The following TAFA2 variants were observed in gnomAD, a reference collection of about 807,000 sequenced individuals.
TAFA2 encodes TAFA chemokine like family member 2, also known as chemokine-like protein TAFA-2.
TAFA2 carries 7 observed loss-of-function variants against 18.8 expected under a neutral mutation model. The ratio of observed to expected loss-of-function variants is 0.37; its 90% CI spans 0.21 to 0.70. The LOEUF is 0.70. Among genes scored for constraint, TAFA2 ranks in the 30% least tolerant of loss-of-function variants. The pLI is 0.53. For synonymous variants in TAFA2, 60 were observed against 54.2 expected (o/e 1.11, Z -0.47); for missense variants, 122 against 158.1 (o/e 0.77, Z 1.23).
intron 2 of TAFA2, among the ~76,000 whole-genome samples, chr12:61,812,635 T>A (rs1486770197): frequency 6.7e-6 from 1 of 149,300 alleles, no homozygotes; most frequent in Non-Finnish European, 1.5e-5. Context: ...AGTGGCACAA[T>A]CTTAGCTCAC....
chr12:61,879,335 C>T, intron 1 of TAFA2: 2 of 627,884 alleles, frequency 3.2e-6, no homozygotes, highest in Non-Finnish European at 5.4e-6. Context: ...TCAAGGTGAT[C>T]CAGAAGTCCT....
chr12:61,884,388 C>T (rs1043271428), intron 1 of TAFA2, among the ~76,000 whole-genome samples: 3 of 152,184 alleles, frequency 2.0e-5, no homozygotes, highest in African/African-American at 4.8e-5. Context: ...AGCCCATCAA[C>T]GAGCTCTTTG....
intron 1 of TAFA2, among the ~76,000 whole-genome samples, chr12:61,983,520 G>C (rs1245822392): frequency 1.3e-5 from 2 of 152,008 alleles, no homozygotes; most frequent in Non-Finnish European, 2.9e-5. Context: ...TGATTCTCCT[G>C]CCTCAGCCTC....
chr12:61,716,245 T>C (rs1370334593), intron 4 of TAFA2, among the ~76,000 whole-genome samples: 1 of 152,224 alleles, frequency 6.6e-6, no homozygotes, highest in African/African-American at 2.4e-5. Context: ...ACTAGTCTTC[T>C]CTGATACAGA....
At chr12:62,208,328 A>G (rs924249603) in intron 1 of TAFA2, among the ~76,000 whole-genome samples, 1 of 148,966 alleles carries the variant, frequency 6.7e-6, no homozygotes, top group African/African-American at 2.5e-5. Context: ...GCAATAGGAG[A>G]AAAAAAAAAG....
intron 2 of TAFA2, among the ~76,000 whole-genome samples, chr12:61,766,831 A>G (rs1028565330): frequency 1.4e-4 from 21 of 152,106 alleles, no homozygotes; most frequent in African/African-American, 4.8e-4. Context: ...TTGTAAAAAC[A>G]TTTGACATTG....
intron 1 of TAFA2, among the ~76,000 whole-genome samples, chr12:62,040,560 C>T (rs1468039636): frequency 6.6e-6 from 1 of 152,060 alleles, no homozygotes; most frequent in African/African-American, 2.4e-5. Context: ...TCAAGTATTG[C>T]TAGAGCTAGA....
At chr12:62,185,609 C>T (rs4143667) in intron 1 of TAFA2, among the ~76,000 whole-genome samples, 19,439 of 152,170 alleles carry the variant, frequency 0.13, 1,659 homozygotes, top group East Asian at 0.33. Context: ...GAAATGGTAA[C>T]AGTAACCAGG....
chr12:61,739,467 A>T (rs1868363838), intron 4 of TAFA2, among the ~76,000 whole-genome samples: 1 of 152,094 alleles, frequency 6.6e-6, no homozygotes, highest in East Asian at 1.9e-4. Flanking sequence ...GACATTTTTA[A>T]TCAACTTATA....
chr12:62,259,443 T>G (rs961402887), upstream of TAFA2: 1 of 152,232 alleles, frequency 6.6e-6, no homozygotes, highest in Non-Finnish European at 1.5e-5. Flanking sequence ...CTATACTGTA[T>G]AGCATGTGGG....
intron 1 of TAFA2, among the ~76,000 whole-genome samples, chr12:62,042,053 A>T (rs940361351): frequency 6.6e-6 from 1 of 152,088 alleles, no homozygotes; most frequent in Non-Finnish European, 1.5e-5. Context: ...AATACTGTAT[A>T]TTAATGTATT....
intron 1 of TAFA2, among the ~76,000 whole-genome samples, chr12:62,203,195 TGA>T (rs1234078184): frequency 2.0e-5 from 3 of 152,248 alleles, no homozygotes; most frequent in Non-Finnish European, 4.4e-5. Context: ...TGCTGTGGTC[TGA>T]GAGACTGTTT....
chr12:61,888,154 T>C (rs138852450), intron 1 of TAFA2, among the ~76,000 whole-genome samples: 3,689 of 152,148 alleles, frequency 0.024, 156 homozygotes, highest in African/African-American at 0.082. Flanking sequence ...AGTTCAACCA[T>C]TGTGGAAGTC....
intron 1 of TAFA2, among the ~76,000 whole-genome samples, chr12:61,898,290 C>G (rs1255890690): frequency 6.6e-6 from 1 of 152,200 alleles, no homozygotes; most frequent in Non-Finnish European, 1.5e-5. Context: ...ATTCTGGGCT[C>G]TGGAGGACAG....
At chr12:62,183,564 T>G (rs1592388181) in intron 1 of TAFA2, among the ~76,000 whole-genome samples, 1 of 152,130 alleles carries the variant, frequency 6.6e-6, no homozygotes, top group African/African-American at 2.4e-5. Flanking sequence ...TTGTATTTTC[T>G]TGCAGAGACA....
intron 1 of TAFA2, chr12:62,235,256 T>C (rs962256514): frequency 1.5e-6 from 1 of 659,008 alleles, no homozygotes; most frequent in African/African-American, 1.8e-5. Context: ...TACTGAACTG[T>C]GGCCCCCCTT....
At chr12:61,757,435 G>A (rs778728201) in intron 2 of TAFA2, among the ~76,000 whole-genome samples, 2 of 151,984 alleles carry the variant, frequency 1.3e-5, no homozygotes, top group Non-Finnish European at 2.9e-5. Context: ...CTGTACTTCT[G>A]TTGGGGCCAT....
intron 2 of TAFA2, among the ~76,000 whole-genome samples, chr12:61,860,964 T>A (rs1477087647): frequency 1.3e-5 from 2 of 152,202 alleles, no homozygotes; most frequent in Non-Finnish European, 2.9e-5. Flanking sequence ...TCTGTTTTGT[T>A]TTCTTTGACA....
At chr12:61,894,784 G>A (rs1260671492) in intron 1 of TAFA2, among the ~76,000 whole-genome samples, 3 of 152,128 alleles carry the variant, frequency 2.0e-5, no homozygotes, top group Non-Finnish European at 2.9e-5. Flanking sequence ...AAATTCTTTT[G>A]AATATTTAAA....
Sources: gnomAD v4.1 joint callset for allele counts (sites outside exome capture counted in the v4.1 genomes callset) on GRCh38, gnomAD v4.1.1 for gene constraint, MANE v1.5 for transcripts, NCBI Gene and HGNC (gene_info 2026-07-23, HGNC 2026-07-21) for gene names.